Variants in CCDC7 observed in about 807,000 individuals in gnomAD.
CCDC7 encodes the protein coiled-coil domain containing 7.
CCDC7 carries 183 observed loss-of-function variants against 196.9 expected under a neutral mutation model. The ratio of observed to expected loss-of-function variants is 0.93; its 90% CI spans 0.82 to 1.05. The LOEUF is 1.05. Among genes scored for constraint, CCDC7 ranks in the 50% least tolerant of loss-of-function variants. The pLI, the probability that CCDC7 is intolerant of heterozygous loss-of-function variation, is 0.00. For synonymous variants in CCDC7, 525 were observed against 484.6 expected (o/e 1.08, Z -1.10); for missense variants, 1,540 against 1,482.2 (o/e 1.04, Z -0.64).
At position 32,873,760 on chromosome 10, in the gene CCDC7, G is replaced by A. The variant is rs184150481; in HGVS notation, c.4112-2587G>A. 2.9e-4 allele frequency among the ~76,000 whole-genome samples: 44 copies of A among 151,758 alleles called. No homozygotes were observed. In the East Asian group the frequency reaches 6.0e-3, roughly 21 times the overall value. ...ATATATACCTATTAGTGGAATTGCCGGGTTGTGTAGGAAATTTATGTTTAA... is the reference window on the plus strand; with the variant it reads ...ATATATACCTATTAGTGGAATTGCCAGGTTGTGTAGGAAATTTATGTTTAA... On this transcript the variant is annotated intron_variant, in intron 41 of 41. Coordinates refer to ENST00000639629, the Ensembl canonical transcript of CCDC7.
intron 21 of CCDC7, among the ~76,000 whole-genome samples, chr10:32,683,652 T>C (rs2076118437): frequency 6.6e-6 from 1 of 152,230 alleles, no homozygotes; most frequent in African/African-American, 2.4e-5. Flanking sequence ...CTGATTTCTT[T>C]TAGCAGTGCT....
intron 31 of CCDC7, among the ~76,000 whole-genome samples, chr10:32,816,573 G>A (rs965121010): frequency 2.6e-5 from 4 of 152,204 alleles, no homozygotes; most frequent in African/African-American, 4.8e-5. Context: ...TAGCCTAACT[G>A]GGAGGCAACC....
chr10:32,794,968 C>G (rs2083319123), intron 29 of CCDC7, among the ~76,000 whole-genome samples: 1 of 152,064 alleles, frequency 6.6e-6, no homozygotes, highest in Non-Finnish European at 1.5e-5. Context: ...GGAAAGCATC[C>G]TAGTGCTTGG....
rs187261178 is a variant in CCDC7, at chr10:32,569,996, G to T, written c.1420-1863G>T. Among the ~76,000 whole-genome samples, 117 of 152,144 alleles carry T rather than the reference G, an allele frequency of 7.7e-4. 1 individual carries two copies. Among genetic ancestry groups the T allele is most frequent in the Non-Finnish European group, 3.8e-4 (26 of 67,998 alleles). ...TATTCCATATACTCTTTCTGAACAT[G>T]CTCATATACCTTCATGGCTTCTAGG... On this transcript the variant is annotated intron_variant, in intron 15 of 41. Coordinates refer to ENST00000639629, the Ensembl canonical transcript of CCDC7.
rs35170235 is a variant in CCDC7 at position 32,645,503 on chromosome 10, CTTTTTT to C, written c.2014+10364_2014+10369del. ...GTTTTATTTTCTGTTGAGTCCATGT[CTTTTTT>C]TTTTTTTTTTTTTTTTTTAATCAGA... On this transcript the variant is annotated intron_variant, in intron 20 of 41. Transcript: ENST00000639629. 2.5e-4 allele frequency among the ~76,000 whole-genome samples: 16 copies of C among 65,146 alleles called. No individual in the cohort carries two copies. The South Asian group carries it at 0.012, about 47-fold the overall frequency. 42.7% of individuals were successfully genotyped at this position (65,146 alleles called of 152,430 possible). A position where few individuals can be genotyped will look rare whatever the true frequency, so the allele number is the denominator to read the frequency against.
At chr10:32,638,909 C>T (rs936049153) in intron 20 of CCDC7, among the ~76,000 whole-genome samples, 2 of 152,100 alleles carry the variant, frequency 1.3e-5, no homozygotes, top group Non-Finnish European at 2.9e-5. Context: ...TATTTCAGAG[C>T]CTGTTATTGG....
intron 13 of CCDC7, among the ~76,000 whole-genome samples, chr10:32,550,586 G>A (rs775279991): frequency 2.6e-5 from 4 of 151,926 alleles, no homozygotes; most frequent in Non-Finnish European, 4.4e-5. Flanking sequence ...TCCCTTGTAT[G>A]CCGTTTTGCT....
intron 21 of CCDC7, among the ~76,000 whole-genome samples, chr10:32,680,983 T>C (rs773242719): frequency 2.0e-5 from 3 of 152,194 alleles, no homozygotes; most frequent in Admixed American, 6.5e-5. Flanking sequence ...TTACAATGTG[T>C]ACGCTAGTCA....
chr10:32,748,999 C>A (rs1390344594), intron 28 of CCDC7, among the ~76,000 whole-genome samples: 1 of 152,142 alleles, frequency 6.6e-6, no homozygotes, highest in Non-Finnish European at 1.5e-5. Context: ...TATAACTGAG[C>A]CTCCTTGGTG....
intron 8 of CCDC7, among the ~76,000 whole-genome samples, chr10:32,484,096 A>G (rs2040521646): frequency 6.6e-6 from 1 of 152,176 alleles, no homozygotes; most frequent in Admixed American, 6.5e-5. Context: ...CAGTATGGCC[A>G]TTTTCACAAT....
intron 33 of CCDC7, among the ~76,000 whole-genome samples, chr10:32,839,316 A>G (rs192899132): frequency 6.6e-6 from 1 of 152,022 alleles, no homozygotes; most frequent in African/African-American, 2.4e-5. Context: ...GTGGAAAAAG[A>G]TGTCCTGTGC....
At chr10:32,730,255 A>G (rs1272342480) in intron 28 of CCDC7, among the ~76,000 whole-genome samples, 1 of 152,054 alleles carries the variant, frequency 6.6e-6, no homozygotes, top group East Asian at 1.9e-4. Context: ...GATGTTTGGT[A>G]TATGCTCATA....
intron 2 of CCDC7, 96 bp downstream of exon 3, chr10:32,453,532 C>G: frequency 1.3e-6 from 1 of 769,300 alleles, no homozygotes; most frequent in East Asian, 4.0e-5. Context: ...TTTTGGAGTA[C>G]TTATTATATC....
intron 21 of CCDC7, among the ~76,000 whole-genome samples, chr10:32,667,722 G>T (rs1033531201): frequency 6.6e-6 from 1 of 152,036 alleles, no homozygotes; most frequent in Non-Finnish European, 1.5e-5. Context: ...TGTCCCATTG[G>T]TCCATATCTC....
chr10:32,739,867 C>CA (rs1008764367), intron 28 of CCDC7, among the ~76,000 whole-genome samples: 2 of 151,830 alleles, frequency 1.3e-5, no homozygotes, highest in African/African-American at 4.8e-5. Context: ...TGCCCCCCCC[C>CA]ACCAAACTGC....
intron 41 of CCDC7, among the ~76,000 whole-genome samples, chr10:32,873,930 A>G (rs1021757063): frequency 6.6e-6 from 1 of 151,824 alleles, no homozygotes; most frequent in Non-Finnish European, 1.5e-5. Context: ...TGTAGCAGGT[A>G]TGAATTATTG....
chr10:32,451,570 A>T, upstream of CCDC7: 1 of 1,509,060 alleles, frequency 6.6e-7, no homozygotes, highest in East Asian at 2.3e-5. Flanking sequence ...GTTTTCTCTG[A>T]ATCTCTTATT....
chr10:32,848,581 A>C lies in CCDC7; in HGVS notation c.3773-15A>C. 1 of 1,438,998 alleles carries C rather than the reference A, an allele frequency of 6.9e-7. No individual in the cohort carries two copies. The highest frequency in any genetic ancestry group is 9.8e-7 in the Non-Finnish European group (1 of 1,021,272). 89.1% of individuals were successfully genotyped at this position (1,438,998 alleles called of 1,614,324 possible). ...AGAGTATTCATGCACTTTTTCTTTT[A>C]AAATTTTATTTTAGATGTGAACTTA... On this transcript the variant is annotated splice_polypyrimidine_tract_variant and intron_variant, in intron 38 of 41. Transcript: ENST00000639629.
At chr10:32,802,753 A>T (rs1027801959) in intron 29 of CCDC7, among the ~76,000 whole-genome samples, 1 of 152,230 alleles carries the variant, frequency 6.6e-6, no homozygotes, top group African/African-American at 2.4e-5. Flanking sequence ...CTACTGGTGT[A>T]GGTCCAAGAG....
Sources: gnomAD v4.1 joint callset for allele counts (sites outside exome capture counted in the v4.1 genomes callset) on GRCh38, gnomAD v4.1.1 for gene constraint, MANE v1.5 for transcripts, NCBI Gene and HGNC (gene_info 2026-07-23, HGNC 2026-07-21) for gene names.